Variants in DERA observed in about 807,000 individuals in gnomAD.
The protein encoded by DERA is 2-deoxy-D-ribose 5-phosphate aldolase.
In DERA, 15 loss-of-function variants were observed where a neutral mutation model predicts 41.1. The observed-to-expected ratio is 0.37, with a 90% CI of 0.24 to 0.56. The LOEUF (loss-of-function observed/expected upper bound fraction) is 0.56, where lower values mean the gene tolerates loss of function less well. Ranked by LOEUF, DERA falls within the 20% of genes least tolerant of loss-of-function variation. DERA has a pLI of 0.81. For missense variants in DERA, 396 were observed against 403.4 expected (o/e 0.98, Z 0.16); for synonymous variants, 139 against 137.4 (o/e 1.01, Z -0.08).
At chr12:16,027,337 G>T (rs532637468) in intron 6 of DERA, among the ~76,000 whole-genome samples, 74 of 152,322 alleles carry the variant, frequency 4.9e-4, no homozygotes, top group Non-Finnish European at 9.0e-4. Context: ...AAGTTTGGTA[G>T]GCTAAAGATG....
At chr12:15,942,281 A>T (rs113450447) in intron 1 of DERA, among the ~76,000 whole-genome samples, 2 of 152,206 alleles carry the variant, frequency 1.3e-5, no homozygotes, top group African/African-American at 4.8e-5. Flanking sequence ...TCGGATGCAT[A>T]GTTTGCGAAT....
rs1273572136 is a variant in DERA at position 15,976,095 on chromosome 12, A to G, written c.509-6213A>G. On this transcript the variant is annotated intron_variant, in intron 5 of 8. Transcript: ENST00000428559. This position sits in a 1 kb window ranked among gnomAD's most constrained non-coding sequence, Gnocchi z 4.1. ...ATATCAGTCTATAAATCTGTCTTAG[A>G]ACTTACAACTTCACACTATAACCTC... Among the ~76,000 whole-genome samples, 1 of 152,124 alleles carries G rather than the reference A, an allele frequency of 6.6e-6. No individual in the cohort carries two copies. Among genetic ancestry groups the G allele is most frequent in the East Asian group, 1.9e-4 (1 of 5,186 alleles).
rs1484556301 is a variant in DERA, at chr12:15,990,420, A to G, written c.637+7984A>G. On this transcript the variant is annotated intron_variant, in intron 6 of 8. Coordinates refer to ENST00000428559, the MANE Select transcript of DERA (RefSeq NM_015954.4). The surrounding 1 kb of genome is among the most constrained non-coding windows in gnomAD (Gnocchi z 4.3). The stretch of plus-strand genomic sequence containing the variant: ...ATATGTTTGTGGTACGCTACTTTCC[A>G]TGTTCTTTTTTGTTTTGTTTTGTTT... 6.6e-6 allele frequency among the ~76,000 whole-genome samples: 1 copy of G among 152,050 alleles called. No individual in the cohort carries two copies. Among genetic ancestry groups the G allele is most frequent in the Non-Finnish European group, 1.5e-5 (1 of 67,948 alleles).
intron 6 of DERA, among the ~76,000 whole-genome samples, chr12:15,997,530 G>A (rs999329201): frequency 3.9e-5 from 6 of 152,154 alleles, no homozygotes; most frequent in South Asian, 2.1e-4. Flanking sequence ...GTTAGGGGGC[G>A]TTCTTGAAAT....
Position 15,992,154 on chromosome 12 carries a change from A to G in DERA, c.637+9718A>G, listed in dbSNP as rs746149808. On this transcript the variant is annotated intron_variant, in intron 6 of 8. Coordinates refer to ENST00000428559, the MANE Select transcript of DERA (RefSeq NM_015954.4). The surrounding 1 kb of genome is among the most constrained non-coding windows in gnomAD (Gnocchi z 4.3). ...TTTATTCCTCTGCGATTACTATCAA[A>G]CCTGGCATATAGTAGAGCCTAAGAA... 6.6e-6 allele frequency among the ~76,000 whole-genome samples: 1 copy of G among 151,990 alleles called. No individual in the cohort carries two copies. The highest frequency in any genetic ancestry group is 1.5e-5 in the Non-Finnish European group (1 of 67,940).
chr12:15,959,651 G>T lies in DERA; in HGVS notation c.278-178G>T, dbSNP rs1340754101. On this transcript the variant is annotated intron_variant, in intron 3 of 8. Transcript: ENST00000428559. The surrounding 1 kb of genome is among the most constrained non-coding windows in gnomAD (Gnocchi z 4.5). ...TAACGATAAGAAAATAATCCATATT[G>T]TCAAGAACTAGAAGGGAATGTGGAA... Among the ~76,000 whole-genome samples, 2 of 152,118 alleles carry T rather than the reference G, an allele frequency of 1.3e-5. No homozygotes were observed. Among genetic ancestry groups the T allele is most frequent in the African/African-American group, 4.8e-5 (2 of 41,410 alleles).
At chr12:15,986,410 C>T (rs1035425356) in intron 6 of DERA, among the ~76,000 whole-genome samples, 2 of 152,092 alleles carry the variant, frequency 1.3e-5, no homozygotes, top group Non-Finnish European at 2.9e-5. Context: ...TTCCTCTTTT[C>T]TTGCAACCTT....
rs2136177889 is a variant in DERA at position 16,008,766 on chromosome 12, C to T, written c.638-23776C>T. On this transcript the variant is annotated intron_variant, in intron 6 of 8. Transcript: ENST00000428559. The surrounding 1 kb of genome is among the most constrained non-coding windows in gnomAD (Gnocchi z 4.8). ...TCTCGTGGTTACAAGATGGCTGCCA[C>T]AGCTCCAGTCATGTTTATATTCAGA... is the stretch of plus-strand genomic sequence containing the variant. 6.6e-6 allele frequency among the ~76,000 whole-genome samples: 1 copy of T among 152,292 alleles called. No homozygotes were observed. The highest frequency in any genetic ancestry group is 2.1e-4 in the South Asian group (1 of 4,818).
chr12:15,935,990 C>T lies in DERA; in HGVS notation c.32-20946C>T, dbSNP rs907963039. Among the ~76,000 whole-genome samples the T allele has an allele frequency of 6.6e-6, 1 of 152,222 alleles. No individual in the cohort carries two copies. The highest frequency in any genetic ancestry group is 1.5e-5 in the Non-Finnish European group (1 of 68,040). On this transcript the variant is annotated intron_variant, in intron 1 of 8. Coordinates refer to ENST00000428559, the MANE Select transcript of DERA (RefSeq NM_015954.4). The surrounding 1 kb of genome is among the most constrained non-coding windows in gnomAD (Gnocchi z 4.8). ...CTTAGTGCTGACACCTGGTGAGAAG[C>T]CTCAGCCCTTTACCATGTGAACACC...
rs1948828522 is a variant in DERA, at chr12:15,995,100, T to G, written c.637+12664T>G. ...ACAACCCTGCTCTCTATCCTGCAAT[T>G]GATCTGTATATCAGATAATATTTAT... On this transcript the variant is annotated intron_variant, in intron 6 of 8. Coordinates refer to ENST00000428559, the MANE Select transcript of DERA (RefSeq NM_015954.4). This position sits in a 1 kb window ranked among gnomAD's most constrained non-coding sequence, Gnocchi z 5.1. Among the ~76,000 whole-genome samples, 1 of 152,208 alleles carries G rather than the reference T, an allele frequency of 6.6e-6. No homozygotes were observed. The highest frequency in any genetic ancestry group is 2.1e-4 in the South Asian group (1 of 4,834).
Position 15,976,562 on chromosome 12 carries a change from C to T in DERA, c.509-5746C>T, listed in dbSNP as rs1396457011. Among the ~76,000 whole-genome samples the T allele has an allele frequency of 6.6e-6, 1 of 152,138 alleles. No homozygotes were observed. Among genetic ancestry groups the T allele is most frequent in the Non-Finnish European group, 1.5e-5 (1 of 68,038 alleles). ...TCCCTTGTCTGTGGTTGAGAGCTCCCAAAGATAGAGTTCAGAATCATCTTT... is the reference window on the plus strand; with the variant it reads ...TCCCTTGTCTGTGGTTGAGAGCTCCTAAAGATAGAGTTCAGAATCATCTTT... On this transcript the variant is annotated intron_variant, in intron 5 of 8. Transcript: ENST00000428559. The surrounding 1 kb of genome is among the most constrained non-coding windows in gnomAD (Gnocchi z 4.1).
intron 1 of DERA, among the ~76,000 whole-genome samples, chr12:15,919,246 T>C (rs1179353860): frequency 6.6e-6 from 1 of 152,168 alleles, no homozygotes; most frequent in Non-Finnish European, 1.5e-5. Flanking sequence ...CGGTGCCTGC[T>C]AAGTTAAAAA....
In DERA at chr12:16,036,039, A is replaced by C. The variant is rs1267815428; in HGVS notation, c.751-193A>C. Among the ~76,000 whole-genome samples, 1 of 152,208 alleles carries C rather than the reference A, an allele frequency of 6.6e-6. No individual in the cohort carries two copies. Among genetic ancestry groups the C allele is most frequent in the Non-Finnish European group, 1.5e-5 (1 of 68,038 alleles). ...TGGAAGTAGTGACATTCTTCCAAAA[A>C]TCTTGGAAAAGTTGTTTTGTAGTGT... On this transcript the variant is annotated intron_variant, in intron 7 of 8. Coordinates refer to ENST00000428559, the MANE Select transcript of DERA (RefSeq NM_015954.4). The surrounding 1 kb of genome is among the most constrained non-coding windows in gnomAD (Gnocchi z 4.9).
chr12:15,956,236 G>A (rs1948537404), intron 1 of DERA, among the ~76,000 whole-genome samples: 2 of 152,146 alleles, frequency 1.3e-5, no homozygotes, highest in Non-Finnish European at 2.9e-5. Context: ...ATTTAGACTA[G>A]GTCTGAAGGT....
At chr12:16,030,857 G>A (rs1949088027) in intron 6 of DERA, among the ~76,000 whole-genome samples, 1 of 152,162 alleles carries the variant, frequency 6.6e-6, no homozygotes, top group Non-Finnish European at 1.5e-5. Context: ...GTAAATATTT[G>A]TTGAACAAAT....
chr12:16,022,268 G>T (rs1471196535), intron 6 of DERA, among the ~76,000 whole-genome samples: 1 of 152,092 alleles, frequency 6.6e-6, no homozygotes, highest in Non-Finnish European at 1.5e-5. Flanking sequence ...TCCTGCTCTT[G>T]CCATGTGACA....
At position 15,982,253 on chromosome 12, in the gene DERA, A is replaced by C; in HGVS notation, c.509-55A>C. On this transcript the variant is annotated intron_variant, in intron 5 of 8. Transcript: ENST00000428559. The surrounding 1 kb of genome is among the most constrained non-coding windows in gnomAD (Gnocchi z 4.0). ...GTTCCACCAGCTCTAAACGGCTGCCAAGTTATGTTATCACTTGCCTGCTTT... is the reference window on the plus strand; with the variant it reads ...GTTCCACCAGCTCTAAACGGCTGCCCAGTTATGTTATCACTTGCCTGCTTT... 6.4e-7 allele frequency: 1 copy of C among 1,566,266 alleles called. No homozygotes were observed. Among genetic ancestry groups the C allele is most frequent in the Non-Finnish European group, 8.6e-7 (1 of 1,158,222 alleles).
chr12:15,923,740 T>C (rs1054261517), intron 1 of DERA, among the ~76,000 whole-genome samples: 3 of 151,738 alleles, frequency 2.0e-5, no homozygotes, highest in Non-Finnish European at 4.4e-5. Context: ...TGAATTCATC[T>C]CTTCCTCTCT....
At chr12:16,018,550 T>C (rs1948999269) in intron 6 of DERA, among the ~76,000 whole-genome samples, 1 of 152,158 alleles carries the variant, frequency 6.6e-6, no homozygotes, top group Non-Finnish European at 1.5e-5. Flanking sequence ...GAGTTTGTGG[T>C]TAATCTATTA....
Sources: gnomAD v4.1 joint callset for allele counts (sites outside exome capture counted in the v4.1 genomes callset) on GRCh38, gnomAD v4.1.1 for gene constraint, Gnocchi (gnomAD v3.1) non-coding constraint, MANE v1.5 for transcripts, NCBI Gene and HGNC (gene_info 2026-07-23, HGNC 2026-07-21) for gene names.